TLN2: variants seen among roughly 807,000 people sequenced by gnomAD.
The protein encoded by TLN2 is talin 2.
A neutral mutation model predicts 294.7 loss-of-function variants in TLN2; 118 were observed. The ratio of observed to expected loss-of-function variants is 0.40; its 90% CI spans 0.34 to 0.47. The LOEUF is 0.47. TLN2 is among the 20% of genes least tolerant of loss of function. The pLI is 0.84. For synonymous variants in TLN2, 1,431 were observed against 1,304.5 expected, an observed-to-expected ratio of 1.10 and a Z score of -2.09; for missense variants, 3,083 against 3,282.2, an observed-to-expected ratio of 0.94 and a Z score of 1.48.
chr15:62,776,572 T>C (rs920896809), intron 42 of TLN2, among the ~76,000 whole-genome samples, 192 bp from the exon 43 acceptor site: 8 of 152,210 alleles, frequency 5.3e-5, no homozygotes, highest in African/African-American at 1.9e-4. Flanking sequence ...AGAGATCTTT[T>C]TCTATTTGTC....
intron 1 of TLN2, among the ~76,000 whole-genome samples, chr15:62,430,933 C>G (rs201577550): frequency 2.8e-5 from 1 of 35,250 alleles, no homozygotes; most frequent in Non-Finnish European, 7.9e-5. Flanking sequence ...ACAGGAAAAG[C>G]CAAAAAAAAA....
At chr15:62,538,719 C>G (rs2140515944) in intron 1 of TLN2, among the ~76,000 whole-genome samples, 1 of 152,272 alleles carries the variant, frequency 6.6e-6, no homozygotes, top group Non-Finnish European at 1.5e-5. Context: ...ATTCTCCCCT[C>G]TAACCTCTTT....
intron 3 of TLN2, among the ~76,000 whole-genome samples, chr15:62,620,275 G>A (rs765248688): frequency 4.6e-5 from 7 of 152,064 alleles, no homozygotes; most frequent in South Asian, 2.1e-4. Flanking sequence ...AAAAATTTCC[G>A]TGTGCAAAAT....
intron 29 of TLN2, 96 bp from the exon 30 acceptor site, chr15:62,738,118 G>T (rs946128637): frequency 6.9e-7 from 1 of 1,448,204 alleles, no homozygotes; most frequent in Non-Finnish European, 9.4e-7. Context: ...GGTCATTTCC[G>T]TATCTGCTTC....
intron 22 of TLN2, among the ~76,000 whole-genome samples, chr15:62,713,925 G>A (rs879317015): frequency 0.43 from 53,552 of 123,460 alleles, 14,076 homozygotes; most frequent in Non-Finnish European, 0.59. Context: ...TGCTGTGTGT[G>A]TGTATGTGTG....
chr15:62,787,580 T>C (rs1331141513), intron 45 of TLN2, among the ~76,000 whole-genome samples: 2 of 152,272 alleles, frequency 1.3e-5, no homozygotes, highest in Admixed American at 6.5e-5. Flanking sequence ...GTCTTTGAGC[T>C]ACATTCCTTT....
chr15:62,772,667 A>T lies in TLN2; in HGVS notation c.5367+1533A>T, dbSNP rs8029865. Among the ~76,000 whole-genome samples the T allele has an allele frequency of 8.1e-3, 1,046 of 129,290 alleles. 8 individuals are homozygous for T. The highest frequency in any genetic ancestry group is 0.038 in the East Asian group (165 of 4,308). The allele number at this position is 129,290 out of a possible 152,430, so 84.8% of individuals were successfully genotyped here. ...AGGAGTTTTCTGGATTTATTTATTT[A>T]TTTTTTTTTTTTGAGACAGAGTTTT... On this transcript the variant is annotated intron_variant, in intron 42 of 58. Coordinates refer to ENST00000636159, the MANE Select transcript of TLN2 (RefSeq NM_015059.3).
At chr15:62,696,919 TC>T (rs2141082877) in intron 14 of TLN2, among the ~76,000 whole-genome samples, 1 of 152,264 alleles carries the variant, frequency 6.6e-6, no homozygotes, top group South Asian at 2.1e-4. Context: ...TAGCTTCATT[TC>T]CACATTTCCC....
At chr15:62,456,798 C>G (rs1011643797) in intron 1 of TLN2, among the ~76,000 whole-genome samples, 4 of 152,306 alleles carry the variant, frequency 2.6e-5, no homozygotes, top group Middle Eastern at 3.4e-3. Flanking sequence ...CTGGGGTTTA[C>G]TCTTCCATCC....
At chr15:62,474,087 CTG>C (rs1315432277) in intron 1 of TLN2, among the ~76,000 whole-genome samples, 4 of 152,170 alleles carry the variant, frequency 2.6e-5, no homozygotes, top group Non-Finnish European at 5.9e-5. Context: ...GAGCGAAAGT[CTG>C]TACTAAAAAC....
intron 11 of TLN2, among the ~76,000 whole-genome samples, chr15:62,683,705 CTT>C (rs1235078055): frequency 6.6e-6 from 1 of 152,176 alleles, no homozygotes; most frequent in Non-Finnish European, 1.5e-5. Flanking sequence ...AGCTACAGCT[CTT>C]TGTGTGTGTT....
At position 62,675,229 on chromosome 15, in the gene TLN2, T is replaced by C. The variant is rs200982885; in HGVS notation, c.865T>C (p.Cys289Arg). 2.6e-4 allele frequency: 416 copies of C among 1,614,102 alleles called. 3 individuals are homozygous for C. Among genetic ancestry groups the C allele is most frequent in the South Asian group, 7.7e-4 (70 of 91,088 alleles). The change falls in exon 11 of 59, where the codon TGC becomes CGC. Residue 289 changes from cysteine (C) to arginine (R), a missense_variant. Physicochemically the swap from Cys to Arg is radical, Grantham distance 180. Transcript: ENST00000636159. ...EKRIFQEHKN[C>R]GEMSEIEAKV... Reference sequence around the variant, plus strand: ...GTCACTTTTGCAGGAGCATAAGAACTGCGGAGAGATGAGTGAGATAGAAGC... The same window carrying C: ...GTCACTTTTGCAGGAGCATAAGAACCGCGGAGAGATGAGTGAGATAGAAGC...
At chr15:62,416,793 C>A (rs1177763292) in intron 1 of TLN2, among the ~76,000 whole-genome samples, 1 of 152,124 alleles carries the variant, frequency 6.6e-6, no homozygotes. Flanking sequence ...ATGAAGGCTC[C>A]TAGAAGACCG....
In TLN2 at chr15:62,657,823, G is replaced by A. The variant is rs2053391176; in HGVS notation, c.713G>A (p.Cys238Tyr). ...CACCCTGTCTCCTTCGAGAAAGCTT[G>A]TGAGTTTGGTGGATTTCAAGCCCAG... Reference protein sequence around the residue: ...GSHPVSFEKACEFGGFQAQIQ... With the variant: ...GSHPVSFEKAYEFGGFQAQIQ... Residue 238 changes from cysteine (C) to tyrosine (Y), a missense_variant, in exon 9 of 59, where the codon TGT (cysteine) becomes TAT (tyrosine). Physicochemically the swap from Cys to Tyr is radical, Grantham distance 194 (BLOSUM62 -2). Coordinates refer to ENST00000636159, the MANE Select transcript of TLN2 (RefSeq NM_015059.3). 4 of 1,613,800 alleles carry A rather than the reference G, an allele frequency of 2.5e-6. No homozygotes were observed. The highest frequency in any genetic ancestry group is 2.2e-5 in the East Asian group (1 of 44,866).
chr15:62,760,427 G>C (rs1206596129), intron 37 of TLN2, among the ~76,000 whole-genome samples: 4 of 152,012 alleles, frequency 2.6e-5, no homozygotes, highest in Non-Finnish European at 4.4e-5. Flanking sequence ...GGTAATGCCA[G>C]TGCCCCTGTT....
chr15:62,687,083 T>TTG lies in TLN2; in HGVS notation c.1113+288_1113+289insGT, dbSNP rs560734488. Among the ~76,000 whole-genome samples, 74 of 152,304 alleles carry TTG rather than the reference T, an allele frequency of 4.9e-4. 1 individual carries two copies. The East Asian group carries it at 7.0e-3, about 14-fold the overall frequency. ...AGCCACTCACCCAGATGATTCTCAG[T>TTG]TCTGTGTTCCTGATGACATCCCTAG... On this transcript the variant is annotated intron_variant, in intron 12 of 58. Coordinates refer to ENST00000636159, the MANE Select transcript of TLN2 (RefSeq NM_015059.3).
intron 1 of TLN2, among the ~76,000 whole-genome samples, chr15:62,582,195 T>TACACACAC (rs67748452): frequency 0.027 from 1,817 of 66,422 alleles, 103 homozygotes; most frequent in African/African-American, 0.035. Flanking sequence ...TGTGTATGCA[T>TACACACAC]ACACACACAC....
Position 62,747,843 on chromosome 15 carries a change from T to G in TLN2, c.4026-508T>G, listed in dbSNP as rs549338197. Among the ~76,000 whole-genome samples the G allele has an allele frequency of 8.5e-5, 13 of 152,338 alleles. No homozygotes were observed. In the East Asian group the frequency reaches 2.1e-3, roughly 25 times the overall value. On this transcript the variant is annotated intron_variant, in intron 32 of 58. Transcript: ENST00000636159. Reference sequence around the variant, plus strand: ...TGTATTATGTACTGTATTCCCATGATAAGTTGAGCTACTAACAAAATGATA... The same window carrying G: ...TGTATTATGTACTGTATTCCCATGAGAAGTTGAGCTACTAACAAAATGATA...
intron 50 of TLN2, 57 bp from the exon 51 acceptor site, chr15:62,805,543 A>G (rs1156341469): frequency 9.9e-6 from 15 of 1,509,406 alleles, no homozygotes; most frequent in Admixed American, 2.1e-5. Flanking sequence ...GAGAAGAATA[A>G]ATTATTTTTT....
Sources: gnomAD v4.1 joint callset for allele counts (sites outside exome capture counted in the v4.1 genomes callset) on GRCh38, gnomAD v4.1.1 for gene constraint, MANE v1.5 for transcripts, NCBI Gene and HGNC (gene_info 2026-07-23, HGNC 2026-07-21) for gene names.